POU2F2: variants seen among roughly 807,000 people sequenced by gnomAD.
The protein encoded by POU2F2 is POU domain, class 2, transcription factor 2.
A neutral mutation model predicts 63.5 loss-of-function variants in POU2F2; 14 were observed. That is an observed-to-expected ratio of 0.22 (90% CI 0.15 to 0.34). POU2F2 has a LOEUF of 0.34. Ranked by LOEUF, POU2F2 falls within the 10% of genes least tolerant of loss-of-function variation. The pLI is 1.00. For synonymous variants in POU2F2, 306 were observed against 348.6 expected (o/e 0.88, Z 1.36); for missense variants, 607 against 815.2 (o/e 0.74, Z 3.11).
chr19:42,117,479 G>A lies in POU2F2; in HGVS notation c.187-47C>T. 3 of 776,938 alleles carry A rather than the reference G, an allele frequency of 3.9e-6. No homozygotes were observed. Among genetic ancestry groups the A allele is most frequent in the South Asian group, 3.2e-5 (2 of 62,106 alleles). 48.1% of individuals were successfully genotyped at this position (776,938 alleles called of 1,614,324 possible). A position where few individuals can be genotyped will look rare whatever the true frequency, so the allele number is the denominator to read the frequency against. On this transcript the variant is annotated intron_variant, in intron 4 of 14. Coordinates refer to ENST00000692977, the MANE Select transcript of POU2F2 (RefSeq NM_001394376.1). The surrounding 1 kb of genome is among the most constrained non-coding windows in gnomAD (Gnocchi z 4.4). ...CGTGTGTGGCAATGGCAATCAGGCT[G>A]GCACAGGAGGAGCAGACTGGGGTGT...
Position 42,164,296 on chromosome 19 carries a change from A to G in POU2F2, c.-69-3904T>C, listed in dbSNP as rs556121899. ...GACACACTGACATTCTGTCTCAAAAAAAAAAAAAAAAAGGCCAGGCATAGT... is the reference window on the plus strand; with the variant it reads ...GACACACTGACATTCTGTCTCAAAAGAAAAAAAAAAAAGGCCAGGCATAGT... On this transcript the variant is annotated intron_variant, in intron 1 of 6. Coordinates refer to the POU2F2 transcript ENST00000524801. 1.7e-3 allele frequency among the ~76,000 whole-genome samples: 259 copies of G among 151,996 alleles called. 1 individual carries two copies. The highest frequency in any genetic ancestry group is 6.1e-3 in the African/African-American group (254 of 41,476).
intron 5 of POU2F2, among the ~76,000 whole-genome samples, chr19:42,100,777 TG>T (rs2077107870): frequency 6.8e-6 from 1 of 147,934 alleles, no homozygotes; most frequent in African/African-American, 2.5e-5. Context: ...ATAATAAAAT[TG>T]TAAACCAGAC....
At chr19:42,109,414 T>C (rs567767664) in intron 5 of POU2F2, among the ~76,000 whole-genome samples, 14 of 152,130 alleles carry the variant, frequency 9.2e-5, no homozygotes, top group African/African-American at 3.4e-4. Flanking sequence ...ACAAGTTAAG[T>C]CCAGAGTAGG....
At chr19:42,093,800 C>T (rs918977923) in intron 12 of POU2F2, 29 bp downstream of exon 12, 1 of 1,586,106 alleles carries the variant, frequency 6.3e-7, no homozygotes, top group East Asian at 2.3e-5. Context: ...CCTCCCAGTC[C>T]CCCCTCACCA....
At chr19:42,133,853 C>CA (rs888599693), upstream of POU2F2, among the ~76,000 whole-genome samples, 1 of 152,174 alleles carries the variant, frequency 6.6e-6, no homozygotes, top group Non-Finnish European at 1.5e-5. This position sits in a 1 kb window ranked among gnomAD's most constrained non-coding sequence, Gnocchi z 5.1. Flanking sequence ...GGGTATACTA[C>CA]AGGCACAACT....
intron 1 of POU2F2, among the ~76,000 whole-genome samples, chr19:42,195,063 G>GAGGGAGGAAGGAAGGGAGGAAGGA (rs2035121758): frequency 6.8e-5 from 2 of 29,468 alleles, no homozygotes; most frequent in South Asian, 2.3e-3. Context: ...GGGAGGGAGG[G>GAGGGAGGAAGGAAGGGAGGAAGGA]AGGGAGGAAG....
intron 1 of POU2F2, among the ~76,000 whole-genome samples, chr19:42,188,652 CG>C (rs2035040352): frequency 8.4e-6 from 1 of 119,098 alleles, no homozygotes; most frequent in African/African-American, 3.3e-5. Flanking sequence ...GCCTGGGGGA[CG>C]AGAGAGAGTT....
chr19:42,170,515 G>A (rs1443599964), intron 1 of POU2F2, among the ~76,000 whole-genome samples: 2 of 151,706 alleles, frequency 1.3e-5, no homozygotes, highest in Non-Finnish European at 2.9e-5. Flanking sequence ...ACACACACAC[G>A]GACCCAAAAA....
At chr19:42,176,368 G>A (rs1599720991), upstream of POU2F2, among the ~76,000 whole-genome samples, 1 of 151,566 alleles carries the variant, frequency 6.6e-6, no homozygotes, top group Non-Finnish European at 1.5e-5. Context: ...TTTTTGGCCC[G>A]GGGGCAGCAG....
rs138683509 is a variant in POU2F2 at position 42,188,943 on chromosome 19, G to T, written c.-70+7440C>A. Among the ~76,000 whole-genome samples the T allele has an allele frequency of 4.5e-3, 673 of 151,140 alleles. 5 individuals carry two copies. Among genetic ancestry groups the T allele is most frequent in the African/African-American group, 0.015 (632 of 40,926 alleles). ...AGGAAGGAAGGAAGGAAGGAAGGAA[G>T]GAAGGAAGGGAGTTTTGGGTTGATT... is the stretch of plus-strand genomic sequence containing the variant. On this transcript the variant is annotated intron_variant, in intron 1 of 5. Coordinates refer to the POU2F2 transcript ENST00000532176.
intron 1 of POU2F2, among the ~76,000 whole-genome samples, chr19:42,130,765 C>T (rs955570544): frequency 7.9e-5 from 12 of 151,540 alleles, no homozygotes; most frequent in Middle Eastern, 3.4e-3. Flanking sequence ...TATCCCTGCT[C>T]AGACACCCCC....
upstream of POU2F2, chr19:42,133,049 A>G (rs544737372): frequency 3.3e-5 from 5 of 152,426 alleles, no homozygotes; most frequent in East Asian, 9.6e-4. This position sits in a 1 kb window ranked among gnomAD's most constrained non-coding sequence, Gnocchi z 5.1. Flanking sequence ...GGGTGCCACC[A>G]TTGGGAGGAA....
intron 2 of POU2F2, among the ~76,000 whole-genome samples, chr19:42,146,721 C>A (rs990947717): frequency 6.6e-6 from 1 of 152,190 alleles, no homozygotes; most frequent in African/African-American, 2.4e-5. Flanking sequence ...GCCAACCAGG[C>A]ACTTTAGGGT....
intron 1 of POU2F2, among the ~76,000 whole-genome samples, chr19:42,126,974 T>A (rs2033256731): frequency 6.6e-6 from 1 of 152,104 alleles, no homozygotes; most frequent in South Asian, 2.1e-4. Flanking sequence ...TGGAATGCAG[T>A]GGCACAATCA....
At chr19:42,098,458 T>C (rs1021115937) in intron 7 of POU2F2, among the ~76,000 whole-genome samples, 1 of 150,380 alleles carries the variant, frequency 6.6e-6, no homozygotes, top group African/African-American at 2.4e-5. Flanking sequence ...ACATAGGATG[T>C]ATATCATAGA....
chr19:42,107,746 A>G (rs1162963737), intron 5 of POU2F2, among the ~76,000 whole-genome samples: 2 of 152,186 alleles, frequency 1.3e-5, no homozygotes, highest in Non-Finnish European at 2.9e-5. Flanking sequence ...GGGGTGGTCT[A>G]TGGAGTCCAA....
intron 1 of POU2F2, among the ~76,000 whole-genome samples, chr19:42,195,999 C>T (rs1048148509): frequency 2.0e-5 from 3 of 152,130 alleles, no homozygotes; most frequent in South Asian, 2.1e-4. Context: ...AGGCTGGTCT[C>T]GAACTCCTGA....
At chr19:42,170,537 A>G (rs947503785) in intron 1 of POU2F2, among the ~76,000 whole-genome samples, 1 of 152,236 alleles carries the variant, frequency 6.6e-6, no homozygotes, top group African/African-American at 2.4e-5. Flanking sequence ...GCAGAGTCCA[A>G]CAAGAAAGGT....
chr19:42,110,611 C>T (rs1403386225), intron 5 of POU2F2: 1 of 401,570 alleles, frequency 2.5e-6, no homozygotes, highest in Non-Finnish European at 5.0e-6. Flanking sequence ...CTTAACTGTA[C>T]AGGATCACGA....
Sources: allele counts gnomAD v4.1 joint callset (sites outside exome capture counted in the v4.1 genomes callset), GRCh38; gene constraint gnomAD v4.1.1; non-coding constraint Gnocchi (gnomAD v3.1); transcripts MANE v1.5; gene names NCBI Gene and HGNC (gene_info 2026-07-23, HGNC 2026-07-21).